The following SLC25A21 variants were observed in gnomAD, a reference collection of about 807,000 sequenced individuals.
SLC25A21 encodes mitochondrial 2-oxodicarboxylate carrier.
In SLC25A21, 47 loss-of-function variants were observed where a neutral mutation model predicts 43.8. The ratio of observed to expected loss-of-function variants is 1.07; its 90% CI spans 0.85 to 1.37. SLC25A21 has a LOEUF of 1.37. Among genes scored for constraint, SLC25A21 ranks in the 40% most tolerant of loss-of-function variants. The pLI, the probability that SLC25A21 is intolerant of heterozygous loss-of-function variation, is 0.00. For missense variants in SLC25A21, 352 were observed against 350.2 expected (o/e 1.00, Z -0.04); for synonymous variants, 131 against 121.3 (o/e 1.08, Z -0.52).
chr14:36,851,938 C>T (rs7150169), intron 2 of SLC25A21, among the ~76,000 whole-genome samples: 2 of 151,986 alleles, frequency 1.3e-5, no homozygotes, highest in African/African-American at 4.8e-5. Flanking sequence ...TAATTTCTAA[C>T]TAATGAACAT....
At chr14:37,096,338 G>A (rs1054572454) in intron 1 of SLC25A21, among the ~76,000 whole-genome samples, 7 of 152,036 alleles carry the variant, frequency 4.6e-5, no homozygotes, top group African/African-American at 1.7e-4. Flanking sequence ...TATGCCTTGG[G>A]GTAGTCTTAT....
intron 2 of SLC25A21, among the ~76,000 whole-genome samples, chr14:36,850,697 A>G (rs1333509592): frequency 6.6e-6 from 1 of 152,172 alleles, no homozygotes; most frequent in Admixed American, 6.5e-5. Flanking sequence ...AGCATCTAAG[A>G]TCTACAGATC....
intron 1 of SLC25A21, among the ~76,000 whole-genome samples, chr14:36,903,206 CAATGTCATG>C (rs2138600482): frequency 6.6e-6 from 1 of 152,256 alleles, no homozygotes; most frequent in South Asian, 2.1e-4. Context: ...TCTGCTTACA[CAATGTCATG>C]AACAAGGAAC....
rs370096926 is a variant in SLC25A21 at position 37,001,750 on chromosome 14, T to C, written c.71-126746A>G. Among the ~76,000 whole-genome samples, 211 of 152,268 alleles carry C rather than the reference T, an allele frequency of 1.4e-3. 6 individuals are homozygous for C. In the South Asian group the frequency reaches 0.043, roughly 31 times the overall value. ...GACTTGGCCAGAGGGAAGGCAAACATACAAACAAATAATTTCAAGATATCT... is the reference window on the plus strand; with the variant it reads ...GACTTGGCCAGAGGGAAGGCAAACACACAAACAAATAATTTCAAGATATCT... On this transcript the variant is annotated intron_variant, in intron 1 of 9. Coordinates refer to ENST00000331299, the MANE Select transcript of SLC25A21 (RefSeq NM_030631.4).
Position 36,813,938 on chromosome 14 carries a change from T to G in SLC25A21, c.183A>C (p.Arg61=). 1 of 1,607,696 alleles carries G rather than the reference T, an allele frequency of 6.2e-7. No individual in the cohort carries two copies. Among genetic ancestry groups the G allele is most frequent in the Non-Finnish European group, 8.5e-7 (1 of 1,177,398 alleles). The part of the protein sequence containing the change: ...NSYKSLVDSF[R]MIFQMEGLFG... Reference sequence around the variant, plus strand: ...CATACCCTTCCATTTGGAAAATCATTCGAAAGCTGTCTACCAAGCTTTTAT... The same window carrying G: ...CATACCCTTCCATTTGGAAAATCATGCGAAAGCTGTCTACCAAGCTTTTAT... Residue 61 remains arginine (R), a synonymous_variant, in exon 3 of 10, where the codon CGA becomes CGC. Transcript: ENST00000331299.
Position 36,840,803 on chromosome 14 carries a change from G to A in SLC25A21, c.120-26802C>T, listed in dbSNP as rs115257537. On this transcript the variant is annotated intron_variant, in intron 2 of 9. Transcript: ENST00000331299. ...CTTTTCAATAGCTCTGATATCCGAC[G>A]AGTCAGAAGGAAGGGAGGAAGAAAT... Among the ~76,000 whole-genome samples the A allele has an allele frequency of 9.0e-3, 1,368 of 152,232 alleles. 30 individuals are homozygous for A. The highest frequency in any genetic ancestry group is 0.031 in the African/African-American group (1,295 of 41,530).
At chr14:36,923,329 C>T (rs900049480) in intron 1 of SLC25A21, among the ~76,000 whole-genome samples, 6 of 151,870 alleles carry the variant, frequency 4.0e-5, no homozygotes, top group African/African-American at 1.4e-4. Context: ...AAAAATATGC[C>T]ACAGAAAAAT....
chr14:37,003,049 T>C (rs1960521921), intron 1 of SLC25A21, among the ~76,000 whole-genome samples: 1 of 152,202 alleles, frequency 6.6e-6, no homozygotes, highest in Admixed American at 6.5e-5. Context: ...ATTGAGAATA[T>C]GTTCCGAGAC....
At chr14:37,109,237 A>G (rs1480708222) in intron 1 of SLC25A21, among the ~76,000 whole-genome samples, 2 of 152,094 alleles carry the variant, frequency 1.3e-5, no homozygotes, top group East Asian at 3.9e-4. Context: ...ACAAGGATGG[A>G]GATTACGATG....
chr14:37,168,456 G>A (rs542127271), intron 1 of SLC25A21, among the ~76,000 whole-genome samples: 12 of 152,020 alleles, frequency 7.9e-5, no homozygotes, highest in African/African-American at 2.4e-4. Context: ...GACCTATATC[G>A]TTATAGAAAA....
chr14:36,888,681 T>C (rs989585454), intron 1 of SLC25A21, among the ~76,000 whole-genome samples: 1 of 152,170 alleles, frequency 6.6e-6, no homozygotes. Context: ...CAAAGTCTGT[T>C]CAACCTTTAG....
At chr14:36,919,969 A>G (rs1891936216) in intron 1 of SLC25A21, among the ~76,000 whole-genome samples, 1 of 152,064 alleles carries the variant, frequency 6.6e-6, no homozygotes, top group African/African-American at 2.4e-5. Flanking sequence ...TGTGTCCTGA[A>G]GATATTTTGT....
intron 1 of SLC25A21, among the ~76,000 whole-genome samples, chr14:37,041,977 C>A (rs1961482639): frequency 6.6e-6 from 1 of 152,082 alleles, no homozygotes; most frequent in Non-Finnish European, 1.5e-5. Context: ...TGAATCAATC[C>A]TCATTTTTCT....
intron 1 of SLC25A21, among the ~76,000 whole-genome samples, chr14:36,924,569 T>C (rs998258423): frequency 1.3e-5 from 2 of 151,972 alleles, no homozygotes; most frequent in Admixed American, 6.6e-5. Context: ...GAGATATACC[T>C]AATGGAAATG....
intron 6 of SLC25A21, among the ~76,000 whole-genome samples, chr14:36,722,133 T>C (rs1884398093): frequency 6.6e-6 from 1 of 152,228 alleles, no homozygotes; most frequent in East Asian, 1.9e-4. Context: ...TGAGATGTGC[T>C]GTTAACACAA....
chr14:36,687,028 A>T (rs1269139284), intron 7 of SLC25A21, among the ~76,000 whole-genome samples: 2 of 152,154 alleles, frequency 1.3e-5, no homozygotes, highest in Non-Finnish European at 2.9e-5. Context: ...CTTGGCTCAC[A>T]GCAACCTCCA....
intron 1 of SLC25A21, among the ~76,000 whole-genome samples, chr14:36,964,804 C>T (rs867681797): frequency 1.6e-4 from 24 of 152,130 alleles, no homozygotes; most frequent in African/African-American, 9.7e-5. Context: ...TCAACATGAA[C>T]GCATCTATTC....
intron 1 of SLC25A21, among the ~76,000 whole-genome samples, chr14:36,954,315 C>A (rs1032180420): frequency 6.6e-6 from 1 of 152,044 alleles, no homozygotes; most frequent in East Asian, 1.9e-4. Flanking sequence ...TATCCTCCCC[C>A]CATCCTAGAG....
chr14:36,893,817 C>T (rs1046976171), intron 1 of SLC25A21, among the ~76,000 whole-genome samples: 12 of 148,656 alleles, frequency 8.1e-5, no homozygotes, highest in Non-Finnish European at 1.7e-4. Context: ...TCCCTATTGC[C>T]TTTGTCAGGT....
Sources: allele counts gnomAD v4.1 joint callset (sites outside exome capture counted in the v4.1 genomes callset), GRCh38; gene constraint gnomAD v4.1.1; transcripts MANE v1.5; gene names NCBI Gene and HGNC (gene_info 2026-07-23, HGNC 2026-07-21).